Variants in FAM81B observed in about 807,000 individuals in gnomAD.
The protein encoded by FAM81B is family with sequence similarity 81 member B.
In FAM81B, 60 loss-of-function variants were observed where a neutral mutation model predicts 58.7. That is an observed-to-expected ratio of 1.02 (90% CI 0.83 to 1.27). FAM81B has a LOEUF of 1.27. Ranked by LOEUF, FAM81B falls within the 50% of genes most tolerant of loss-of-function variation. The pLI, the probability that FAM81B is intolerant of heterozygous loss-of-function variation, is 0.00. For missense variants in FAM81B, 491 were observed against 522.0 expected (o/e 0.94, Z 0.58); for synonymous variants, 189 against 179.6 (o/e 1.05, Z -0.42).
intron 3 of FAM81B, among the ~76,000 whole-genome samples, chr5:95,403,835 T>A (rs914631531): frequency 2.0e-5 from 3 of 152,284 alleles, no homozygotes; most frequent in Middle Eastern, 3.4e-3. Flanking sequence ...TTGCTTCACA[T>A]GCTCTTACCA....
intron 2 of FAM81B, among the ~76,000 whole-genome samples, chr5:95,394,389 A>T (rs1561287457): frequency 1.3e-5 from 2 of 152,194 alleles, no homozygotes; most frequent in Admixed American, 1.3e-4. Context: ...CAAACATATA[A>T]GGAGGGACCA....
At chr5:95,413,918 T>G (rs2152763537) in intron 3 of FAM81B, 29 bp from the exon 4 acceptor site, 1 of 1,593,302 alleles carries the variant, frequency 6.3e-7, no homozygotes, top group Non-Finnish European at 8.5e-7. Flanking sequence ...TGTAATGCCC[T>G]GGTGTTTCCT....
intron 6 of FAM81B, among the ~76,000 whole-genome samples, chr5:95,432,071 A>G (rs932699505): frequency 6.6e-6 from 1 of 152,054 alleles, no homozygotes. Flanking sequence ...TTTCCCCATT[A>G]AGCATGTTTA....
chr5:95,439,235 A>AATATATAT (rs1561312808), intron 7 of FAM81B, among the ~76,000 whole-genome samples: 4 of 44,258 alleles, frequency 9.0e-5, no homozygotes, highest in African/African-American at 3.9e-4. Context: ...TAGGTTAAAG[A>AATATATAT]GTATATATAT....
intron 7 of FAM81B, among the ~76,000 whole-genome samples, chr5:95,441,523 C>T (rs1025311534): frequency 9.9e-5 from 15 of 151,718 alleles, no homozygotes; most frequent in Non-Finnish European, 1.9e-4. Context: ...GAGCAGAGAT[C>T]GTGCCACTCT....
At chr5:95,397,210 C>CT (rs1415930333) in intron 3 of FAM81B, 1 of 152,042 alleles carries the variant, frequency 6.6e-6, no homozygotes, top group African/African-American at 2.4e-5. Context: ...GCGTTAGCCC[C>CT]TTTTTTCATG....
chr5:95,411,125 A>G (rs1316060192), intron 3 of FAM81B, among the ~76,000 whole-genome samples: 1 of 152,182 alleles, frequency 6.6e-6, no homozygotes, highest in East Asian at 1.9e-4. Context: ...AGGGTCAGAA[A>G]TCAGTACACA....
rs537301404 is a variant in FAM81B at position 95,430,798 on chromosome 5, C to T, written c.786+2066C>T. Among the ~76,000 whole-genome samples the T allele has an allele frequency of 2.0e-5, 3 of 152,100 alleles. No homozygotes were observed. The East Asian group carries it at 5.8e-4, about 29-fold the overall frequency. On this transcript the variant is annotated intron_variant, in intron 6 of 9. Transcript: ENST00000283357. ...AAATTGCTTTCTATATGGCTTTCAC[C>T]TCATTGCACACCCACCAACAATATG...
intron 3 of FAM81B, among the ~76,000 whole-genome samples, chr5:95,410,255 T>C (rs12513967): frequency 0.27 from 41,291 of 152,064 alleles, 5,849 homozygotes; most frequent in Non-Finnish European, 0.3. Context: ...AAAGGTCACA[T>C]ACTATGAGTG....
Position 95,414,052 on chromosome 5 carries a change from C to G in FAM81B, c.399C>G (p.Phe133Leu), listed in dbSNP as rs750864762. ...RTIAFLLEQAFRIKEDISACL... is the reference protein window; with the variant it reads ...RTIAFLLEQALRIKEDISACL... ...TAGCTTTCCTTCTTGAACAAGCCTT[C>G]CGCATCAAGGAGGACATCTCTGCTT... Residue 133 changes from phenylalanine to leucine, a missense_variant, in exon 4 of 10, where the codon TTC (phenylalanine) becomes TTG (leucine). Phe to Leu is a conservative substitution (Grantham distance 22). Transcript: ENST00000283357. The G allele has an allele frequency of 1.2e-5, 20 of 1,613,998 alleles. No homozygotes were observed. The highest frequency in any genetic ancestry group is 1.7e-5 in the Non-Finnish European group (20 of 1,180,012).
intron 7 of FAM81B, among the ~76,000 whole-genome samples, chr5:95,444,854 T>C (rs189101962): frequency 2.0e-5 from 3 of 152,288 alleles, no homozygotes; most frequent in East Asian, 3.9e-4. Flanking sequence ...GTCGGCACTA[T>C]TGGTATTTCA....
chr5:95,432,194 G>C (rs1458677484), intron 6 of FAM81B, among the ~76,000 whole-genome samples: 5 of 151,940 alleles, frequency 3.3e-5, no homozygotes, highest in Admixed American at 6.6e-5. Flanking sequence ...TTATACTAGT[G>C]TAATTATTTC....
chr5:95,407,705 C>T (rs1036608900), intron 3 of FAM81B, among the ~76,000 whole-genome samples: 1 of 152,202 alleles, frequency 6.6e-6, no homozygotes, highest in South Asian at 2.1e-4. Context: ...ATCTCTCCCT[C>T]CTTCAGGCTC....
intron 7 of FAM81B, among the ~76,000 whole-genome samples, chr5:95,439,235 A>AATATAT (rs1561312808): frequency 1.1e-4 from 5 of 44,258 alleles, no homozygotes; most frequent in African/African-American, 4.9e-4. Context: ...TAGGTTAAAG[A>AATATAT]GTATATATAT....
chr5:95,415,909 C>G (rs1044592104), intron 4 of FAM81B, among the ~76,000 whole-genome samples: 1 of 152,158 alleles, frequency 6.6e-6, no homozygotes, highest in African/African-American at 2.4e-5. Context: ...TCTTTCAAAT[C>G]TCTAGAAATC....
intron 3 of FAM81B, among the ~76,000 whole-genome samples, chr5:95,409,451 G>T (rs909919697): frequency 8.9e-6 from 1 of 112,600 alleles, no homozygotes; most frequent in South Asian, 2.4e-4. Context: ...GAGCCACCAC[G>T]CCTGGCCTGT....
At chr5:95,429,898 G>C (rs4543293) in intron 6 of FAM81B, among the ~76,000 whole-genome samples, 12,282 of 152,132 alleles carry the variant, frequency 0.081, 802 homozygotes, top group East Asian at 0.36. Flanking sequence ...TATCAGGATG[G>C]AATATCTACT....
intron 3 of FAM81B, among the ~76,000 whole-genome samples, chr5:95,398,222 C>A (rs1348144111): frequency 6.6e-6 from 1 of 152,058 alleles, no homozygotes; most frequent in Non-Finnish European, 1.5e-5. Flanking sequence ...AGTTGAAGAC[C>A]AGCCTAGCCA....
At position 95,415,222 on chromosome 5, in the gene FAM81B, A is replaced by T. The variant is rs892560281; in HGVS notation, c.537+1032A>T. ...CAATTTTCATGCAAGGGCTACAGAT[A>T]GTGTACTTTAGGAAACTGGCCCAAA... On this transcript the variant is annotated intron_variant, in intron 4 of 9. Transcript: ENST00000283357. Among the ~76,000 whole-genome samples, 7 of 152,218 alleles carry T rather than the reference A, an allele frequency of 4.6e-5. No individual in the cohort carries two copies. The South Asian group carries it at 8.3e-4, about 18-fold the overall frequency.
Sources: allele counts gnomAD v4.1 joint callset (sites outside exome capture counted in the v4.1 genomes callset), GRCh38; gene constraint gnomAD v4.1.1; transcripts MANE v1.5; gene names NCBI Gene and HGNC (gene_info 2026-07-23, HGNC 2026-07-21).